GFPT1: variants seen among roughly 807,000 people sequenced by gnomAD.
GFPT1 encodes glutamine--fructose-6-phosphate transaminase 1.
Under a neutral mutation model 92.0 loss-of-function variants are expected in GFPT1, and 40 were observed. The observed-to-expected ratio is 0.43, with a 90% CI of 0.34 to 0.57. The LOEUF is 0.57. Among genes scored for constraint, GFPT1 ranks in the 20% least tolerant of loss-of-function variants. GFPT1 has a pLI of 0.02. For synonymous variants in GFPT1, 269 were observed against 280.6 expected, an observed-to-expected ratio of 0.96 and a Z score of 0.41; for missense variants, 448 against 869.1, an observed-to-expected ratio of 0.52 and a Z score of 6.09.
rs1670477182 is a variant in GFPT1 at position 69,324,097 on chromosome 2, T to C, written c.*2092A>G. On this transcript the variant is annotated 3_prime_UTR_variant, in exon 20 of 20. Transcript: ENST00000357308. ...AGGCTGGTATTACAGGCTGAGCCAC[T>C]GCACCCGGCAGAGAATCCATGTTTG... The C allele has an allele frequency of 6.6e-6, 1 of 152,262 alleles. No individual in the cohort carries two copies. The highest frequency in any genetic ancestry group is 1.5e-5 in the Non-Finnish European group (1 of 68,070). The allele number at this position is 152,262 out of a possible 1,614,324, so 9.4% of individuals were successfully genotyped here.
chr2:69,363,491 C>T, intron 4 of GFPT1, 54 bp downstream of exon 4: 2 of 1,538,784 alleles, frequency 1.3e-6, no homozygotes, highest in Middle Eastern at 1.7e-4. Context: ...CTTCATTCTG[C>T]CCCCATTATT....
chr2:69,359,333 G>C lies in GFPT1; in HGVS notation c.350-7C>G. On this transcript the variant is annotated splice_polypyrimidine_tract_variant and splice_region_variant and intron_variant, in intron 4 of 19. Coordinates refer to ENST00000357308, the MANE Select transcript of GFPT1 (RefSeq NM_001244710.2). ...TTGTGAATAACGATAAATTCTAAAA[G>C]AGGTAAAAGTGTTGAAGACAAAAAA... 1.3e-6 allele frequency: 2 copies of C among 1,517,680 alleles called. No homozygotes were observed. Among genetic ancestry groups the C allele is most frequent in the Admixed American group, 1.7e-5 (1 of 59,856 alleles). 94.0% of individuals were successfully genotyped at this position (1,517,680 alleles called of 1,614,324 possible).
chr2:69,338,389 T>C, intron 14 of GFPT1, 56 bp downstream of exon 14: 4 of 1,474,626 alleles, frequency 2.7e-6, no homozygotes, highest in East Asian at 2.3e-5. Context: ...CAAGATATGC[T>C]AGAATTATTA....
Position 69,329,460 on chromosome 2 carries a change from C to T in GFPT1, c.1598-36G>A, listed in dbSNP as rs202059207. 8.0e-6 allele frequency: 12 copies of T among 1,492,020 alleles called. No individual in the cohort carries two copies. The East Asian group carries it at 2.1e-4, about 26-fold the overall frequency. The allele number at this position is 1,492,020 out of a possible 1,614,324, so 92.4% of individuals were successfully genotyped here. The stretch of plus-strand genomic sequence containing the variant: ...ATATTAGCAAAAAAGGACAATAAAC[C>T]AAACAAATAAAATAACAATATATTG... On this transcript the variant is annotated intron_variant, in intron 16 of 19. Transcript: ENST00000357308.
In GFPT1 at chr2:69,386,169, G is replaced by A. The variant is rs186469048; in HGVS notation, c.7+896C>T. Among the ~76,000 whole-genome samples, 4 of 151,396 alleles carry A rather than the reference G, an allele frequency of 2.6e-5. No homozygotes were observed. The East Asian group carries it at 8.0e-4, about 30-fold the overall frequency. Reference sequence around the variant, plus strand: ...AGAAGATATCAGTCATGTCAGACACGATTCTCAAAGTCTCTTTCACTAACA... The same window carrying A: ...AGAAGATATCAGTCATGTCAGACACAATTCTCAAAGTCTCTTTCACTAACA... On this transcript the variant is annotated intron_variant, in intron 1 of 19. Transcript: ENST00000357308.
chr2:69,355,370 G>A (rs1358182928), intron 7 of GFPT1, among the ~76,000 whole-genome samples: 3 of 151,550 alleles, frequency 2.0e-5, no homozygotes, highest in African/African-American at 4.9e-5. Flanking sequence ...GAGTCACCAC[G>A]CCCAGCCTAA....
intron 9 of GFPT1, among the ~76,000 whole-genome samples, chr2:69,352,143 G>A (rs1026972761): frequency 2.0e-5 from 3 of 152,036 alleles, no homozygotes; most frequent in African/African-American, 7.2e-5. Flanking sequence ...TACACCTGTA[G>A]TCTCAGCTAT....
At chr2:69,340,091 T>A (rs1488113928) in intron 13 of GFPT1, among the ~76,000 whole-genome samples, 1 of 149,028 alleles carries the variant, frequency 6.7e-6, no homozygotes, top group Non-Finnish European at 1.5e-5. Flanking sequence ...AAAAGTAATC[T>A]CAAGATTTAT....
At chr2:69,341,901 C>G (rs1053815377) in intron 13 of GFPT1, among the ~76,000 whole-genome samples, 1 of 152,266 alleles carries the variant, frequency 6.6e-6, no homozygotes, top group Non-Finnish European at 1.5e-5. Context: ...AACTCTCCCC[C>G]TCTTGGCCTT....
chr2:69,382,030 A>G (rs997429817), intron 1 of GFPT1, among the ~76,000 whole-genome samples: 3 of 151,652 alleles, frequency 2.0e-5, no homozygotes, highest in Non-Finnish European at 4.4e-5. Context: ...CAGCTGGCTA[A>G]TTTTTGTATT....
At chr2:69,346,064 TA>T (rs1671073949) in intron 11 of GFPT1, 65 bp from the exon 12 acceptor site, 3 of 915,930 alleles carry the variant, frequency 3.3e-6, no homozygotes, top group Non-Finnish European at 5.5e-6. Flanking sequence ...TGTACACAAC[TA>T]AAAGTTTCCT....
At chr2:69,365,087 C>T (rs1303047639) in intron 3 of GFPT1, among the ~76,000 whole-genome samples, 1 of 150,548 alleles carries the variant, frequency 6.6e-6, no homozygotes, top group Non-Finnish European at 1.5e-5. Context: ...AAATGGACAG[C>T]TCCAGTTATT....
At chr2:69,383,426 GT>G (rs1186462763) in intron 1 of GFPT1, among the ~76,000 whole-genome samples, 4 of 152,180 alleles carry the variant, frequency 2.6e-5, no homozygotes, top group Non-Finnish European at 5.9e-5. Flanking sequence ...GTAAGGATAT[GT>G]TAATAGTACT....
chr2:69,360,328 C>CAAA (rs576395697), intron 4 of GFPT1, among the ~76,000 whole-genome samples: 47 of 78,390 alleles, frequency 6.0e-4, no homozygotes, highest in Middle Eastern at 5.6e-3. Flanking sequence ...GATTCTGTCT[C>CAAA]AAAAAAAAAA....
intron 15 of GFPT1, among the ~76,000 whole-genome samples, chr2:69,332,914 A>T (rs1670699636): frequency 6.6e-6 from 1 of 151,678 alleles, no homozygotes; most frequent in African/African-American, 2.4e-5. Flanking sequence ...CAGTCTGGTA[A>T]CTCCTTAACA....
chr2:69,337,213 G>A (rs1396926105), intron 15 of GFPT1, among the ~76,000 whole-genome samples: 3 of 151,870 alleles, frequency 2.0e-5, no homozygotes, highest in East Asian at 1.9e-4. Flanking sequence ...TTACAGGCAC[G>A]TGCTACCACA....
intron 4 of GFPT1, among the ~76,000 whole-genome samples, chr2:69,359,911 C>T (rs1004974846): frequency 6.6e-6 from 1 of 152,114 alleles, no homozygotes; most frequent in African/African-American, 2.4e-5. Context: ...AAATATCATT[C>T]CAAGAGAAAA....
At chr2:69,335,333 T>A (rs192939928) in intron 15 of GFPT1, among the ~76,000 whole-genome samples, 10 of 152,316 alleles carry the variant, frequency 6.6e-5, no homozygotes, top group Admixed American at 1.3e-4. Context: ...AAAACTCTGC[T>A]GTATATTTGA....
rs187563377 is a variant in GFPT1 at position 69,325,351 on chromosome 2, T to G, written c.*838A>C. On this transcript the variant is annotated 3_prime_UTR_variant, in exon 20 of 20. Transcript: ENST00000357308. ...ATAAAATATGTCATTCAGCAGTCAT[T>G]TAAAAAATAAAAGACTACAGATACA... 10 of 152,250 alleles carry G rather than the reference T, an allele frequency of 6.6e-5. No homozygotes were observed. Among genetic ancestry groups the G allele is most frequent in the African/African-American group, 2.2e-4 (9 of 41,546 alleles). The allele number at this position is 152,250 out of a possible 1,614,324, so 9.4% of individuals were successfully genotyped here.
Sources: allele counts gnomAD v4.1 joint callset (sites outside exome capture counted in the v4.1 genomes callset), GRCh38; gene constraint gnomAD v4.1.1; transcripts MANE v1.5; gene names NCBI Gene and HGNC (gene_info 2026-07-23, HGNC 2026-07-21).